ARSB: variants seen among roughly 807,000 people sequenced by gnomAD.
ARSB encodes N-acetylgalactosamine-4-sulfatase.
In ARSB, 41 loss-of-function variants were observed where a neutral mutation model predicts 50.9. The ratio of observed to expected loss-of-function variants is 0.81; its 90% CI spans 0.63 to 1.04. The LOEUF is 1.04. ARSB is among the 50% of genes least tolerant of loss of function. The pLI, the probability that ARSB is intolerant of heterozygous loss-of-function variation, is 0.00. For synonymous variants in ARSB, 269 were observed against 284.8 expected (o/e 0.94, Z 0.56); for missense variants, 672 against 693.3 (o/e 0.97, Z 0.35).
intron 6 of ARSB, among the ~76,000 whole-genome samples, chr5:78,818,061 T>G (rs1744066884): frequency 6.6e-6 from 1 of 152,086 alleles, no homozygotes; most frequent in Non-Finnish European, 1.5e-5. Context: ...GGTAGGAGAA[T>G]GACTTGAACC....
At chr5:78,912,251 T>C (rs182770483) in intron 4 of ARSB, among the ~76,000 whole-genome samples, 170 of 152,302 alleles carry the variant, frequency 1.1e-3, no homozygotes, top group Non-Finnish European at 1.5e-3. Flanking sequence ...CCTACAGTGA[T>C]GTTGTCTGGC....
rs574789825 is a variant in ARSB, at chr5:78,892,682, C to T, written c.899-6855G>A. Among the ~76,000 whole-genome samples the T allele has an allele frequency of 3.3e-5, 5 of 152,244 alleles. 1 individual carries two copies. Among genetic ancestry groups the T allele is most frequent in the African/African-American group, 9.6e-5 (4 of 41,530 alleles). ...TGTTCCCATGAGTTTAAATAAAGGA[C>T]ATCAATTATCATAGAAAAAAACACT... On this transcript the variant is annotated intron_variant, in intron 4 of 7. Coordinates refer to ENST00000264914, the MANE Select transcript of ARSB (RefSeq NM_000046.5).
chr5:78,937,855 C>T (rs1237595735), intron 4 of ARSB, among the ~76,000 whole-genome samples: 1 of 152,034 alleles, frequency 6.6e-6, no homozygotes, highest in Non-Finnish European at 1.5e-5. Flanking sequence ...TATAAGGTGC[C>T]AAGATTATCA....
rs1233108073 is a variant in ARSB, at chr5:78,780,445, G to A, written c.1554C>T (p.Asp518=). 6.2e-7 allele frequency: 1 copy of A among 1,614,146 alleles called. No homozygotes were observed. The highest frequency in any genetic ancestry group is 1.1e-5 in the South Asian group (1 of 91,088). ...CAGTGGCCTTGGGATCACAGCGGGG[G>A]TCCTGTGCAGGGAAGTACACGGGGA... The part of the protein sequence containing the change: ...HSVPVYFPAQ[D]PRCDPKATGV... Residue 518 remains aspartate, a synonymous_variant, in exon 8 of 8, where the codon GAC becomes GAT. Transcript: ENST00000264914.
intron 2 of ARSB, among the ~76,000 whole-genome samples, chr5:78,967,088 T>C (rs1486133756): frequency 6.6e-6 from 1 of 152,200 alleles, no homozygotes; most frequent in Admixed American, 6.5e-5. Flanking sequence ...TGCATTGTTT[T>C]GGCCCCCATA....
intron 6 of ARSB, among the ~76,000 whole-genome samples, chr5:78,820,980 T>TA (rs35089219): frequency 0.64 from 95,163 of 149,328 alleles, 30,278 homozygotes; most frequent in African/African-American, 0.67. Context: ...ATTATCTATG[T>TA]AAAAAAAAAA....
chr5:78,816,908 C>T (rs1744012148), intron 6 of ARSB: 1 of 176,570 alleles, frequency 5.7e-6, no homozygotes, highest in African/African-American at 2.4e-5. Flanking sequence ...CCCAACCTGA[C>T]TGACACCTTG....
At chr5:78,931,124 T>C (rs184993128) in intron 4 of ARSB, among the ~76,000 whole-genome samples, 368 of 152,312 alleles carry the variant, frequency 2.4e-3, no homozygotes, top group African/African-American at 8.5e-3. Context: ...TTGATACAAA[T>C]ATATTGCACA....
chr5:78,940,835 C>A (rs986792454), intron 4 of ARSB, among the ~76,000 whole-genome samples: 36 of 152,260 alleles, frequency 2.4e-4, no homozygotes, highest in African/African-American at 7.2e-4. Context: ...TCATTGGTAG[C>A]TTGATGGGGA....
chr5:78,822,652 T>A (rs1241731198), intron 6 of ARSB, among the ~76,000 whole-genome samples: 1 of 152,220 alleles, frequency 6.6e-6, no homozygotes, highest in Admixed American at 6.5e-5. Flanking sequence ...TTTGTTTGTT[T>A]TTTGAGACGG....
At chr5:78,798,942 T>C (rs1015008194) in intron 6 of ARSB, among the ~76,000 whole-genome samples, 1 of 152,174 alleles carries the variant, frequency 6.6e-6, no homozygotes, top group Non-Finnish European at 1.5e-5. Context: ...GGCCACTAGG[T>C]GATGCTTGCC....
In ARSB at chr5:78,902,749, T is replaced by C. The variant is rs147442270; in HGVS notation, c.899-16922A>G. On this transcript the variant is annotated intron_variant, in intron 4 of 7. Transcript: ENST00000264914. ...TAAGGACAAAACATAGATTATGTGA[T>C]TGACAGAGGGAGGAAAGGGAGTTGG... Among the ~76,000 whole-genome samples the C allele has an allele frequency of 4.3e-3, 654 of 152,270 alleles. 1 individual carries two copies. Among genetic ancestry groups the C allele is most frequent in the Middle Eastern group, 0.014 (4 of 294 alleles).
chr5:78,910,176 T>C (rs184876437), intron 4 of ARSB, among the ~76,000 whole-genome samples: 6 of 152,340 alleles, frequency 3.9e-5, no homozygotes, highest in South Asian at 4.1e-4. Context: ...ATAGTGAAAA[T>C]AGTAATCAAT....
At chr5:78,852,659 C>A (rs538690164) in intron 5 of ARSB, among the ~76,000 whole-genome samples, 1 of 152,170 alleles carries the variant, frequency 6.6e-6, no homozygotes, top group Non-Finnish European at 1.5e-5. Flanking sequence ...TGTTTTCCAA[C>A]TTGCTTCCAT....
At chr5:78,977,652 G>C (rs1752727419) in intron 1 of ARSB, among the ~76,000 whole-genome samples, 1 of 152,194 alleles carries the variant, frequency 6.6e-6, no homozygotes, top group African/African-American at 2.4e-5. Flanking sequence ...TTGGAAACAA[G>C]ACAAGTATGT....
At chr5:78,864,915 G>A (rs1027452755) in intron 5 of ARSB, among the ~76,000 whole-genome samples, 1 of 152,208 alleles carries the variant, frequency 6.6e-6, no homozygotes, top group Non-Finnish European at 1.5e-5. Context: ...TCCAGGTCAC[G>A]CTGATGCAAG....
chr5:78,806,278 A>C (rs1743559705), intron 6 of ARSB, among the ~76,000 whole-genome samples: 2 of 152,246 alleles, frequency 1.3e-5, no homozygotes, highest in South Asian at 4.1e-4. Context: ...TGGCATGTGT[A>C]ACAACTGTAT....
At chr5:78,884,131 C>T (rs1342792899) in intron 5 of ARSB, 1 of 152,172 alleles carries the variant, frequency 6.6e-6, no homozygotes, top group South Asian at 2.1e-4. Context: ...AGGGTGGATA[C>T]TTCATCTACA....
At chr5:78,895,657 T>C (rs1157668113) in intron 4 of ARSB, among the ~76,000 whole-genome samples, 1 of 152,232 alleles carries the variant, frequency 6.6e-6, no homozygotes, top group Non-Finnish European at 1.5e-5. Context: ...GTATGCCTCA[T>C]GTGCCCTGCA....
Sources: gnomAD v4.1 joint callset for allele counts (sites outside exome capture counted in the v4.1 genomes callset) on GRCh38, gnomAD v4.1.1 for gene constraint, MANE v1.5 for transcripts, NCBI Gene and HGNC (gene_info 2026-07-23, HGNC 2026-07-21) for gene names.